The following SPOCK3 variants were observed in gnomAD, a reference collection of about 807,000 sequenced individuals.
SPOCK3 encodes testican-3.
SPOCK3 carries 30 observed loss-of-function variants against 56.6 expected under a neutral mutation model. The observed-to-expected ratio is 0.53, with a 90% CI of 0.40 to 0.72. The LOEUF is 0.72. SPOCK3 is among the 30% of genes least tolerant of loss of function. SPOCK3 has a pLI of 0.00. For missense variants in SPOCK3, 527 were observed against 530.0 expected (o/e 0.99, Z 0.06); for synonymous variants, 196 against 183.3 (o/e 1.07, Z -0.56).
chr4:166,786,808 A>G (rs1034414496), intron 7 of SPOCK3, among the ~76,000 whole-genome samples: 1 of 152,128 alleles, frequency 6.6e-6, no homozygotes, highest in Admixed American at 6.5e-5. Context: ...TTTCCAGCCA[A>G]CTTTACTGGA....
intron 6 of SPOCK3, among the ~76,000 whole-genome samples, chr4:166,797,233 C>CTTTTTTTTTT (rs1028695610): frequency 1.9e-4 from 15 of 80,752 alleles, no homozygotes; most frequent in African/African-American, 6.6e-4. Flanking sequence ...TTCCACCTTT[C>CTTTTTTTTTT]TTTTTTTTTT....
intron 4 of SPOCK3, among the ~76,000 whole-genome samples, chr4:166,946,270 T>C (rs1206721848): frequency 1.3e-5 from 2 of 152,178 alleles, no homozygotes. Flanking sequence ...CTCCTTTGTT[T>C]AAGACCCTGC....
intron 2 of SPOCK3, among the ~76,000 whole-genome samples, chr4:167,071,125 G>A (rs536677217): frequency 6.6e-6 from 1 of 152,102 alleles, no homozygotes; most frequent in Admixed American, 6.6e-5. Flanking sequence ...GAATCCCTCT[G>A]AATATATAGA....
chr4:166,909,501 G>C (rs974192563), intron 5 of SPOCK3, among the ~76,000 whole-genome samples: 1 of 151,912 alleles, frequency 6.6e-6, no homozygotes, highest in Non-Finnish European at 1.5e-5. Flanking sequence ...AATAGAACTT[G>C]TAGGAATATT....
intron 6 of SPOCK3, among the ~76,000 whole-genome samples, chr4:166,830,102 G>T (rs1017144655): frequency 1.3e-5 from 2 of 152,050 alleles, no homozygotes; most frequent in African/African-American, 4.8e-5. Context: ...TTTTACGTAA[G>T]ATATCTCTCA....
intron 2 of SPOCK3, among the ~76,000 whole-genome samples, chr4:167,069,383 T>C (rs1466101714): frequency 1.3e-5 from 2 of 151,850 alleles, no homozygotes; most frequent in South Asian, 2.1e-4. Context: ...TTTAACTGAC[T>C]CAAAACTCAG....
intron 6 of SPOCK3, among the ~76,000 whole-genome samples, chr4:166,871,054 G>A (rs111826356): frequency 0.077 from 11,751 of 152,114 alleles, 546 homozygotes; most frequent in Non-Finnish European, 0.1. Context: ...ATGTGGAATC[G>A]TGAGTCAATT....
chr4:166,911,692 C>G (rs1737292140), intron 5 of SPOCK3, among the ~76,000 whole-genome samples: 1 of 151,976 alleles, frequency 6.6e-6, no homozygotes, highest in Non-Finnish European at 1.5e-5. Context: ...TGCCCAACAC[C>G]ATGCCTGATG....
At chr4:167,205,324 ATAAT>A (rs1734021011) in intron 2 of SPOCK3, among the ~76,000 whole-genome samples, 4 of 49,818 alleles carry the variant, frequency 8.0e-5, no homozygotes, top group African/African-American at 8.6e-5. Flanking sequence ...TTTTATATAT[ATAAT>A]ATATATTATA....
intron 6 of SPOCK3, among the ~76,000 whole-genome samples, chr4:166,847,594 A>T (rs1359794668): frequency 1.4e-5 from 2 of 144,322 alleles, no homozygotes; most frequent in Admixed American, 1.4e-4. Context: ...ATTTGGAGAA[A>T]GTAGAGCATT....
chr4:167,001,017 G>T (rs931096617), intron 3 of SPOCK3, among the ~76,000 whole-genome samples: 3 of 152,142 alleles, frequency 2.0e-5, no homozygotes, highest in Admixed American at 6.5e-5. Flanking sequence ...TACATCATTT[G>T]TGCATAATAT....
At chr4:166,811,954 A>C (rs1743856423) in intron 6 of SPOCK3, among the ~76,000 whole-genome samples, 2 of 151,838 alleles carry the variant, frequency 1.3e-5, no homozygotes, top group Admixed American at 1.3e-4. Context: ...TTCAAATTGT[A>C]CAAAGATAGT....
chr4:167,000,383 C>T lies in SPOCK3; in HGVS notation c.316G>A (p.Ala106Thr). The change falls in exon 4 of 11, where the codon GCA becomes ACA. Residue 106 changes from alanine (A) to threonine (T), a missense_variant. Coordinates refer to ENST00000357545, the MANE Select transcript of SPOCK3 (RefSeq NM_001040159.2). Reference protein sequence around the residue: ...KVCIAQDSQTAVCISHRRLTH... With the variant: ...KVCIAQDSQTTVCISHRRLTH... Reference sequence around the variant, plus strand: ...AGCCTCCGGTGACTAATGCAGACTGCAGTCTGAGAATCTTGAGCAATGCAT... The same window carrying T: ...AGCCTCCGGTGACTAATGCAGACTGTAGTCTGAGAATCTTGAGCAATGCAT... 1 of 1,602,680 alleles carries T rather than the reference C, an allele frequency of 6.2e-7. No individual in the cohort carries two copies. Among genetic ancestry groups the T allele is most frequent in the Non-Finnish European group, 8.5e-7 (1 of 1,172,692 alleles).
At chr4:166,771,505 T>G (rs1738926006) in intron 7 of SPOCK3, among the ~76,000 whole-genome samples, 1 of 152,070 alleles carries the variant, frequency 6.6e-6, no homozygotes, top group African/African-American at 2.4e-5. Flanking sequence ...GACCTGAATC[T>G]AAGTTAGGTA....
chr4:166,795,283 C>A (rs758855168), intron 6 of SPOCK3, among the ~76,000 whole-genome samples: 2 of 151,928 alleles, frequency 1.3e-5, no homozygotes, highest in East Asian at 1.9e-4. Context: ...TACCAAAAAA[C>A]CGTATATCAG....
rs192447086 is a variant in SPOCK3, at chr4:166,734,181, G to T, written c.*740C>A. The T allele has an allele frequency of 5.3e-5, 8 of 151,890 alleles. No homozygotes were observed. In the East Asian group the frequency reaches 1.5e-3, roughly 29 times the overall value. The allele number at this position is 151,890 out of a possible 1,614,324, so 9.4% of individuals were successfully genotyped here. A position where few individuals can be genotyped will look rare whatever the true frequency, so the allele number is the denominator to read the frequency against. ...CTGGTCAGAAAGATAAAGAAATCTA[G>T]AAAGGCAAACAAATCATGTTATTAA... On this transcript the variant is annotated 3_prime_UTR_variant, in exon 11 of 11. Transcript: ENST00000357545.
At chr4:166,898,720 T>C (rs555466017) in intron 5 of SPOCK3, among the ~76,000 whole-genome samples, 15 of 152,292 alleles carry the variant, frequency 9.8e-5, no homozygotes, top group South Asian at 8.3e-4. Context: ...CCAAGATTCA[T>C]GTGTAAAGAA....
At chr4:167,127,882 GA>G in intron 2 of SPOCK3, among the ~76,000 whole-genome samples, 1 of 152,244 alleles carries the variant, frequency 6.6e-6, no homozygotes, top group East Asian at 1.9e-4. Context: ...GAGGTATAAC[GA>G]AATTATCAAA....
intron 2 of SPOCK3, among the ~76,000 whole-genome samples, chr4:167,179,712 C>A (rs188387734): frequency 2.0e-5 from 3 of 151,924 alleles, no homozygotes; most frequent in Non-Finnish European, 4.4e-5. Context: ...AGAATGATAC[C>A]GCATTATATT....
Sources: allele counts gnomAD v4.1 joint callset (sites outside exome capture counted in the v4.1 genomes callset), GRCh38; gene constraint gnomAD v4.1.1; transcripts MANE v1.5; gene names NCBI Gene and HGNC (gene_info 2026-07-23, HGNC 2026-07-21).